The following CTNNA2 variants were observed in gnomAD, a reference collection of about 807,000 sequenced individuals.
The protein encoded by CTNNA2 is catenin alpha-2.
Under a neutral mutation model 101.0 loss-of-function variants are expected in CTNNA2, and 42 were observed. The ratio of observed to expected loss-of-function variants is 0.42; its 90% CI spans 0.32 to 0.54. CTNNA2 has a LOEUF of 0.54. Among genes scored for constraint, CTNNA2 ranks in the 20% least tolerant of loss-of-function variants. CTNNA2 has a pLI of 0.14. For synonymous variants in CTNNA2, 450 were observed against 456.4 expected, an observed-to-expected ratio of 0.99 and a Z score of 0.18; for missense variants, 871 against 1,223.1, an observed-to-expected ratio of 0.71 and a Z score of 4.29.
intron 3 of CTNNA2, among the ~76,000 whole-genome samples, chr2:79,343,552 G>C (rs922396699): frequency 2.0e-5 from 3 of 152,024 alleles, no homozygotes; most frequent in East Asian, 1.9e-4. Context: ...CTCACTATGG[G>C]AAGTCTTGGT....
At position 79,525,728 on chromosome 2, in the gene CTNNA2, T is replaced by C. The variant is rs111633464; in HGVS notation, c.-6+12521T>C. On this transcript the variant is annotated intron_variant, in intron 1 of 18. Transcript: ENST00000402739. ...CTGTGTATGTGAAATTAGTAACAAGTGGTAAGTCGTGGTTCATGGAATGGC... is the reference window on the plus strand; with the variant it reads ...CTGTGTATGTGAAATTAGTAACAAGCGGTAAGTCGTGGTTCATGGAATGGC... Among the ~76,000 whole-genome samples, 619 of 152,116 alleles carry C rather than the reference T, an allele frequency of 4.1e-3. 3 individuals carry two copies. The highest frequency in any genetic ancestry group is 0.013 in the African/African-American group (532 of 41,562).
At chr2:79,604,800 G>C (rs1438696216) in intron 1 of CTNNA2, among the ~76,000 whole-genome samples, 1 of 152,194 alleles carries the variant, frequency 6.6e-6, no homozygotes, top group Non-Finnish European at 1.5e-5. Flanking sequence ...ACTGGGAAAT[G>C]ATTAGCCCCA....
At chr2:80,531,761 C>G (rs1019956751) in intron 9 of CTNNA2, among the ~76,000 whole-genome samples, 1 of 152,184 alleles carries the variant, frequency 6.6e-6, no homozygotes, top group Non-Finnish European at 1.5e-5. Context: ...CTCCTCGATC[C>G]ACTTAACTTT....
chr2:79,863,704 C>G (rs1681814425), intron 4 of CTNNA2, among the ~76,000 whole-genome samples: 1 of 152,190 alleles, frequency 6.6e-6, no homozygotes, highest in South Asian at 2.1e-4. Context: ...GAAGCTGCTA[C>G]CCCTGGGGCT....
chr2:79,397,278 T>G (rs1678243458), intron 4 of CTNNA2, among the ~76,000 whole-genome samples: 1 of 152,166 alleles, frequency 6.6e-6, no homozygotes. Context: ...TCATTAACTA[T>G]AATTTCCCTA....
intron 7 of CTNNA2, among the ~76,000 whole-genome samples, chr2:80,201,359 TTTTC>T (rs1333121176): frequency 1.4e-5 from 2 of 146,414 alleles, no homozygotes; most frequent in Admixed American, 1.4e-4. Flanking sequence ...CAATATTTCT[TTTTC>T]TTTCTTTTTT....
Position 79,568,858 on chromosome 2 carries a change from C to CAA in CTNNA2, c.-6+55679_-6+55680dup, listed in dbSNP as rs540965419. 2.0e-3 allele frequency among the ~76,000 whole-genome samples: 137 copies of CAA among 68,960 alleles called. 8 individuals carry two copies. Among genetic ancestry groups the CAA allele is most frequent in the African/African-American group, 4.9e-3 (72 of 14,814 alleles). The allele number at this position is 68,960 out of a possible 152,430, so 45.2% of individuals were successfully genotyped here. The stretch of plus-strand genomic sequence containing the variant: ...GCAACATGGCAACATTCTGTTTCTA[C>CAA]AAAAAAAAAAAAAAAAAAAAAAAAA... On this transcript the variant is annotated intron_variant, in intron 1 of 18. Transcript: ENST00000402739.
intron 2 of CTNNA2, among the ~76,000 whole-genome samples, chr2:79,307,172 G>C (rs1019185953): frequency 2.6e-5 from 4 of 152,222 alleles, no homozygotes; most frequent in African/African-American, 9.6e-5. Context: ...TACATATAAT[G>C]TATAGGGATC....
intron 2 of CTNNA2, among the ~76,000 whole-genome samples, chr2:79,734,326 T>A (rs1045461167): frequency 2.6e-5 from 4 of 152,138 alleles, no homozygotes; most frequent in African/African-American, 9.7e-5. Context: ...TGGCAATAGA[T>A]CCTTTAAACC....
At chr2:79,922,692 A>G (rs1364010077) in intron 7 of CTNNA2, among the ~76,000 whole-genome samples, 7 of 144,614 alleles carry the variant, frequency 4.8e-5, no homozygotes, top group Non-Finnish European at 7.5e-5. Context: ...ATCACCACCC[A>G]TTTTCCTAAA....
intron 12 of CTNNA2, among the ~76,000 whole-genome samples, chr2:80,562,378 ACT>A (rs1257474075): frequency 6.6e-6 from 1 of 152,022 alleles, no homozygotes; most frequent in Non-Finnish European, 1.5e-5. Flanking sequence ...AGTTGCTTGA[ACT>A]CTCTCATAAG....
At chr2:79,524,367 G>A (rs1444479970) in intron 1 of CTNNA2, among the ~76,000 whole-genome samples, 1 of 151,738 alleles carries the variant, frequency 6.6e-6, no homozygotes. Flanking sequence ...TTCCTAATAG[G>A]TTATTGCTGA....
intron 1 of CTNNA2, chr2:79,195,959 T>A (rs1673955003): frequency 2.4e-6 from 1 of 423,902 alleles, no homozygotes; most frequent in Non-Finnish European, 4.7e-6. Flanking sequence ...TTTTATGAGA[T>A]GGAGTCTCGA....
At chr2:79,947,067 A>C (rs1475822461) in intron 7 of CTNNA2, among the ~76,000 whole-genome samples, 1 of 152,236 alleles carries the variant, frequency 6.6e-6, no homozygotes, top group Admixed American at 6.5e-5. Flanking sequence ...CACAGTGGTT[A>C]TATTATCTCA....
intron 3 of CTNNA2, among the ~76,000 whole-genome samples, chr2:79,855,186 G>T (rs79573560): frequency 6.6e-6 from 1 of 151,220 alleles, no homozygotes; most frequent in African/African-American, 2.4e-5. Context: ...TCTAATGTGG[G>T]TCTCTCTCTC....
intron 12 of CTNNA2, among the ~76,000 whole-genome samples, chr2:80,557,842 T>C (rs1170953738): frequency 6.6e-6 from 1 of 152,194 alleles, no homozygotes; most frequent in Non-Finnish European, 1.5e-5. Flanking sequence ...ATGTTCTGGT[T>C]GATTTTTCTA....
intron 2 of CTNNA2, among the ~76,000 whole-genome samples, chr2:79,663,794 T>C (rs546450257): frequency 6.6e-6 from 1 of 152,348 alleles, no homozygotes; most frequent in African/African-American, 2.4e-5. Flanking sequence ...TAGATAGAAA[T>C]GATGCTAGTC....
chr2:80,319,063 C>T (rs142527539), intron 7 of CTNNA2, among the ~76,000 whole-genome samples: 133 of 152,302 alleles, frequency 8.7e-4, no homozygotes, highest in African/African-American at 3.1e-3. Flanking sequence ...CAAACCCCAT[C>T]ACAGATGGGA....
At chr2:80,085,331 C>CAGA (rs1474740163) in intron 7 of CTNNA2, among the ~76,000 whole-genome samples, 5 of 152,062 alleles carry the variant, frequency 3.3e-5, no homozygotes, top group Non-Finnish European at 7.4e-5. Context: ...CAGAAAGTGT[C>CAGA]AAACATTTCC....
Sources: allele counts gnomAD v4.1 joint callset (sites outside exome capture counted in the v4.1 genomes callset), GRCh38; gene constraint gnomAD v4.1.1; transcripts MANE v1.5; gene names NCBI Gene and HGNC (gene_info 2026-07-23, HGNC 2026-07-21).